The following TMEM200A variants were observed in gnomAD, a reference collection of about 807,000 sequenced individuals.
TMEM200A encodes two transmembrane C.
Under a neutral mutation model 24.3 loss-of-function variants are expected in TMEM200A, and 12 were observed. The ratio of observed to expected loss-of-function variants is 0.49; its 90% CI spans 0.32 to 0.80. TMEM200A has a LOEUF of 0.80. Ranked by LOEUF, TMEM200A falls within the 30% of genes least tolerant of loss-of-function variation. The probability of loss-of-function intolerance (pLI) is 0.04; values close to 1 mark genes in which losing one functional copy is unlikely to be tolerated. For missense variants in TMEM200A, 545 were observed against 614.4 expected (o/e 0.89, Z 1.19); for synonymous variants, 224 against 224.4 (o/e 1.00, Z 0.02).
chr6:130,379,482 G>A (rs1182934042), intron 1 of TMEM200A, among the ~76,000 whole-genome samples: 1 of 152,200 alleles, frequency 6.6e-6, no homozygotes, highest in African/African-American at 2.4e-5. Context: ...AAATATTAAT[G>A]AAGGGAGAAA....
chr6:130,387,704 G>A (rs191477009), intron 2 of TMEM200A, among the ~76,000 whole-genome samples: 12 of 152,290 alleles, frequency 7.9e-5, no homozygotes, highest in Admixed American at 1.3e-4. Context: ...TATGTTAAGG[G>A]AATTCTAGAT....
chr6:130,396,812 C>T (rs1308483408), intron 2 of TMEM200A, among the ~76,000 whole-genome samples: 1 of 152,176 alleles, frequency 6.6e-6, no homozygotes, highest in East Asian at 1.9e-4. Flanking sequence ...TTAGAAAATA[C>T]TGTAAAAATA....
chr6:130,415,077 C>T (rs1031470288), intron 2 of TMEM200A, among the ~76,000 whole-genome samples: 2 of 152,024 alleles, frequency 1.3e-5, no homozygotes, highest in African/African-American at 4.8e-5. Context: ...AGATAATCTA[C>T]CCCCTAGGGA....
At chr6:130,399,021 TA>T (rs1779020945) in intron 2 of TMEM200A, among the ~76,000 whole-genome samples, 1 of 152,022 alleles carries the variant, frequency 6.6e-6, no homozygotes, top group Non-Finnish European at 1.5e-5. Context: ...AAAATATATT[TA>T]TTTTTTTCTC....
chr6:130,436,662 T>TTTTTC (rs1408022765), intron 2 of TMEM200A, among the ~76,000 whole-genome samples: 15 of 128,288 alleles, frequency 1.2e-4, no homozygotes, highest in Non-Finnish European at 1.3e-4. Context: ...TTTTTTTTTT[T>TTTTTC]CAGAGAGACA....
At chr6:130,387,964 G>T (rs529712101) in intron 2 of TMEM200A, among the ~76,000 whole-genome samples, 1 of 152,096 alleles carries the variant, frequency 6.6e-6, no homozygotes, top group African/African-American at 2.4e-5. Context: ...ATTGATTTGC[G>T]GTTAGTTTCT....
intron 2 of TMEM200A, among the ~76,000 whole-genome samples, chr6:130,426,470 C>G (rs554483130): frequency 1.0e-3 from 153 of 146,918 alleles, no homozygotes; most frequent in Middle Eastern, 6.8e-3. Context: ...GCCCCCCCCC[C>G]CTCAGTTTCC....
chr6:130,390,488 T>C (rs1778809878), intron 2 of TMEM200A, among the ~76,000 whole-genome samples: 1 of 152,236 alleles, frequency 6.6e-6, no homozygotes. Context: ...GTGAAACTAG[T>C]ACTGCCTACT....
At position 130,429,243 on chromosome 6, in the gene TMEM200A, C is replaced by T. The variant is rs1010043939; in HGVS notation, c.-16-11164C>T. Among the ~76,000 whole-genome samples, 8 of 151,944 alleles carry T rather than the reference C, an allele frequency of 5.3e-5. No homozygotes were observed. In the South Asian group the frequency reaches 6.2e-4, roughly 12 times the overall value. ...TTTTGACAAAGAAAAATAATGAGGC[C>T]AGGAGCAGTGGCTCATGCCTGTAAT... On this transcript the variant is annotated intron_variant, in intron 2 of 2. Coordinates refer to ENST00000296978, the MANE Select transcript of TMEM200A (RefSeq NM_001258277.2).
chr6:130,403,309 A>G (rs1019082090), intron 2 of TMEM200A, among the ~76,000 whole-genome samples: 10 of 152,152 alleles, frequency 6.6e-5, no homozygotes, highest in Admixed American at 2.0e-4. Context: ...ATGTTCAGAC[A>G]GAATCTATGA....
intron 2 of TMEM200A, among the ~76,000 whole-genome samples, chr6:130,416,132 C>T (rs1295722847): frequency 6.6e-6 from 1 of 152,052 alleles, no homozygotes; most frequent in Admixed American, 6.6e-5. Context: ...TCTTCATTAT[C>T]AAATAAATGA....
chr6:130,416,828 A>G (rs1439352460), intron 2 of TMEM200A, among the ~76,000 whole-genome samples: 1 of 152,036 alleles, frequency 6.6e-6, no homozygotes, highest in Admixed American at 6.6e-5. Flanking sequence ...GATCTATGAA[A>G]TCTCAGATGG....
rs150732477 is a variant in TMEM200A at position 130,393,132 on chromosome 6, C to T, written c.-17+7896C>T. Among the ~76,000 whole-genome samples, 71 of 152,180 alleles carry T rather than the reference C, an allele frequency of 4.7e-4. 1 individual carries two copies. Among genetic ancestry groups the T allele is most frequent in the Middle Eastern group, 3.4e-3 (1 of 294 alleles). On this transcript the variant is annotated intron_variant, in intron 2 of 2. Transcript: ENST00000296978. ...TGCAGGCATCTCTGTTGGATAGAAG[C>T]GAGAGATCAGTAGATACCCAAAGAG...
At chr6:130,369,081 A>G (rs928131998) in intron 1 of TMEM200A, among the ~76,000 whole-genome samples, 1 of 152,160 alleles carries the variant, frequency 6.6e-6, no homozygotes, top group Non-Finnish European at 1.5e-5. Flanking sequence ...TTGAATGGGA[A>G]ATGGCAAAGA....
At chr6:130,395,234 T>C (rs996215935) in intron 2 of TMEM200A, among the ~76,000 whole-genome samples, 1 of 152,216 alleles carries the variant, frequency 6.6e-6, no homozygotes, top group Non-Finnish European at 1.5e-5. Context: ...GGATTGCTTA[T>C]AATTCTTCTA....
At chr6:130,371,805 G>A (rs543094061) in intron 1 of TMEM200A, among the ~76,000 whole-genome samples, 1 of 152,308 alleles carries the variant, frequency 6.6e-6, no homozygotes, top group Admixed American at 6.5e-5. Flanking sequence ...CCTGAGAACA[G>A]GAACTCTACC....
intron 2 of TMEM200A, among the ~76,000 whole-genome samples, chr6:130,427,518 T>C (rs961049496): frequency 2.2e-5 from 3 of 135,048 alleles, no homozygotes; most frequent in African/African-American, 6.7e-5. Context: ...GTTTCATGTA[T>C]TCTTGGGCAA....
chr6:130,418,309 T>C (rs1031463636), intron 2 of TMEM200A, among the ~76,000 whole-genome samples: 2 of 152,192 alleles, frequency 1.3e-5, no homozygotes, highest in Non-Finnish European at 2.9e-5. Context: ...GAGACAAGAA[T>C]GAAGTAGTAT....
intron 2 of TMEM200A, among the ~76,000 whole-genome samples, chr6:130,398,427 A>G (rs1002290634): frequency 6.8e-6 from 1 of 146,810 alleles, no homozygotes; most frequent in African/African-American, 2.7e-5. Flanking sequence ...TGTAATGAAC[A>G]TACCAGTGCA....
Sources: allele counts gnomAD v4.1 joint callset (sites outside exome capture counted in the v4.1 genomes callset), GRCh38; gene constraint gnomAD v4.1.1; transcripts MANE v1.5; gene names NCBI Gene and HGNC (gene_info 2026-07-23, HGNC 2026-07-21).